The following ZNF365 variants were observed in gnomAD, a reference collection of about 807,000 sequenced individuals.
ZNF365 encodes zinc finger protein 365, also known as protein ZNF365.
In ZNF365, 22 loss-of-function variants were observed where a neutral mutation model predicts 35.0. The observed-to-expected ratio is 0.63, with a 90% CI of 0.45 to 0.90. ZNF365 has a LOEUF of 0.90. Among genes scored for constraint, ZNF365 ranks in the 40% least tolerant of loss-of-function variants. ZNF365 has a pLI of 0.00. For missense variants in ZNF365, 448 were observed against 500.3 expected (o/e 0.90, Z 1.00); for synonymous variants, 188 against 196.2 (o/e 0.96, Z 0.35).
At chr10:62,379,682 T>G (rs1032121449) in intron 2 of ZNF365, among the ~76,000 whole-genome samples, 1 of 152,168 alleles carries the variant, frequency 6.6e-6, no homozygotes, top group East Asian at 1.9e-4. Context: ...CAGAGGGAGC[T>G]GCCCACCTGT....
At chr10:62,440,924 T>C (rs1840489900) in intron 3 of ZNF365, among the ~76,000 whole-genome samples, 4 of 152,208 alleles carry the variant, frequency 2.6e-5, no homozygotes, top group Admixed American at 2.6e-4. Context: ...TAAAACCTAA[T>C]GTCTTTATGT....
chr10:62,396,570 C>T (rs1464300810), intron 3 of ZNF365, among the ~76,000 whole-genome samples: 1 of 152,150 alleles, frequency 6.6e-6, no homozygotes, highest in African/African-American at 2.4e-5. Flanking sequence ...TCATGCATTT[C>T]CCTCTTGGTA....
downstream of ZNF365, among the ~76,000 whole-genome samples, chr10:62,405,238 T>C (rs1839887924): frequency 6.6e-6 from 1 of 152,172 alleles, no homozygotes. Context: ...GACTTAGAGA[T>C]GGTGTGTGTC....
chr10:62,442,428 C>T (rs1290942410), intron 3 of ZNF365, among the ~76,000 whole-genome samples: 1 of 152,142 alleles, frequency 6.6e-6, no homozygotes, highest in Non-Finnish European at 1.5e-5. Context: ...CTTTAATTAA[C>T]TGTATGCAAA....
At chr10:62,453,158 A>G (rs969275345) in intron 3 of ZNF365, among the ~76,000 whole-genome samples, 17 of 152,254 alleles carry the variant, frequency 1.1e-4, no homozygotes, top group African/African-American at 4.1e-4. Flanking sequence ...TAAATTGATG[A>G]GGTACAAATT....
intron 3 of ZNF365, among the ~76,000 whole-genome samples, chr10:62,416,223 C>T (rs1487619679): frequency 6.6e-6 from 1 of 151,674 alleles, no homozygotes; most frequent in Non-Finnish European, 1.5e-5. Context: ...TAACTTCTAC[C>T]TGGTCAGATA....
intron 3 of ZNF365, among the ~76,000 whole-genome samples, chr10:62,457,463 G>T (rs1840779202): frequency 6.6e-6 from 1 of 152,206 alleles, no homozygotes; most frequent in African/African-American, 2.4e-5. Context: ...ATTCACATTT[G>T]CCAAAGCATG....
intron 4 of ZNF365, among the ~76,000 whole-genome samples, chr10:62,478,318 C>G (rs1385370503): frequency 6.6e-6 from 1 of 152,152 alleles, no homozygotes; most frequent in African/African-American, 2.4e-5. Context: ...TGAAATCCCC[C>G]TAGGAGGATA....
chr10:62,429,011 G>A (rs550453976), intron 3 of ZNF365, among the ~76,000 whole-genome samples: 8 of 152,260 alleles, frequency 5.3e-5, no homozygotes, highest in Admixed American at 2.0e-4. Flanking sequence ...GTAGGCACTC[G>A]CTAGCTGATG....
chr10:62,376,366 T>G lies in ZNF365; in HGVS notation c.173T>G (p.Leu58Arg). The G allele has an allele frequency of 6.2e-7, 1 of 1,614,156 alleles. No homozygotes were observed. The highest frequency in any genetic ancestry group is 1.1e-5 in the South Asian group (1 of 91,084). The change falls in exon 2 of 5, where the codon CTC becomes CGC. Residue 58 changes from leucine (L) to arginine (R), a missense_variant. By Grantham distance (102) the Leu-to-Arg change is moderately radical. Around this residue, in one of 3 missense-constraint regions of ZNF365, gnomAD observed 76 missense variants for 96.7 expected, o/e 0.79. Transcript: ENST00000395254. ...AGTCACAGCTACGAAGAAAGAACCC[T>G]CTTGACAAAATGCAGTCTCTTTCCA... ...EFSHSYEERTLLTKCSLFPSL... is the reference protein window; with the variant it reads ...EFSHSYEERTRLTKCSLFPSL...
At chr10:62,475,226 G>T (rs1049120918) in intron 4 of ZNF365, among the ~76,000 whole-genome samples, 1 of 152,166 alleles carries the variant, frequency 6.6e-6, no homozygotes, top group Non-Finnish European at 1.5e-5. Flanking sequence ...TGGGACTGGG[G>T]AACAGAAGCC....
intron 2 of ZNF365, among the ~76,000 whole-genome samples, chr10:62,385,180 C>G (rs1839506296): frequency 6.6e-6 from 1 of 152,194 alleles, no homozygotes; most frequent in South Asian, 2.1e-4. Context: ...TTTTTCCACC[C>G]TAGTTGATGT....
intron 4 of ZNF365, among the ~76,000 whole-genome samples, chr10:62,399,001 A>C (rs1195242677): frequency 6.6e-6 from 1 of 152,212 alleles, no homozygotes; most frequent in Admixed American, 6.5e-5. Context: ...CTATGATGGC[A>C]CTGGAGGAAT....
At chr10:62,410,075 C>T (rs939025051) in intron 3 of ZNF365, among the ~76,000 whole-genome samples, 6 of 152,152 alleles carry the variant, frequency 3.9e-5, no homozygotes, top group African/African-American at 1.4e-4. Flanking sequence ...ATTTTTTCAA[C>T]AGCACTGACT....
chr10:62,381,486 G>C (rs1425532687), intron 2 of ZNF365, among the ~76,000 whole-genome samples: 3 of 152,054 alleles, frequency 2.0e-5, no homozygotes, highest in Admixed American at 2.0e-4. Context: ...TCCTGAAAAT[G>C]TGATTTTTTT....
In ZNF365 at chr10:62,464,171, T is replaced by C. The variant is rs143110389; in HGVS notation, c.981+4374T>C. Among the ~76,000 whole-genome samples, 454 of 152,324 alleles carry C rather than the reference T, an allele frequency of 3.0e-3. 1 individual carries two copies. Among genetic ancestry groups the C allele is most frequent in the African/African-American group, 0.01 (435 of 41,572 alleles). On this transcript the variant is annotated intron_variant, in intron 4 of 4. Coordinates refer to the ZNF365 transcript ENST00000395255. ...TATAATGACTTTGGGACTCACCATA[T>C]TCTTTTCTGTGTCAAGTTCCTATGC...
Position 62,398,745 on chromosome 10 carries a change from A to G in ZNF365, c.930A>G (p.Thr310=), listed in dbSNP as rs760834661. 2 of 1,612,458 alleles carry G rather than the reference A, an allele frequency of 1.2e-6. No individual in the cohort carries two copies. The highest frequency in any genetic ancestry group is 8.5e-7 in the Non-Finnish European group (1 of 1,179,416). The change falls in exon 4 of 5, where the codon ACA becomes ACG. Residue 310 remains threonine (T), a synonymous_variant. Coordinates refer to ENST00000395254, the MANE Select transcript of ZNF365 (RefSeq NM_014951.3). ...FVRDLSGHVL[T]DISSNRKPKC... Reference sequence around the variant, plus strand: ...TCTTATTTGTTTTCCTTCAGCTTACAGACATCTCCTCAAATAGGAAGCCCA... The same window carrying G: ...TCTTATTTGTTTTCCTTCAGCTTACGGACATCTCCTCAAATAGGAAGCCCA...
chr10:62,428,578 C>A (rs1161012807), intron 3 of ZNF365, among the ~76,000 whole-genome samples: 1 of 152,216 alleles, frequency 6.6e-6, no homozygotes, highest in African/African-American at 2.4e-5. Flanking sequence ...AATTAAACCT[C>A]TTTTCTTTAA....
At chr10:62,467,102 A>G (rs1421302126) in intron 4 of ZNF365, among the ~76,000 whole-genome samples, 2 of 152,266 alleles carry the variant, frequency 1.3e-5, no homozygotes, top group Non-Finnish European at 2.9e-5. Flanking sequence ...TCAACCTGAA[A>G]AAAGGGCAGA....
Sources: gnomAD v4.1 joint callset for allele counts (sites outside exome capture counted in the v4.1 genomes callset) on GRCh38, gnomAD v4.1.1 for gene constraint, gnomAD v4.1.1 regional missense constraint, MANE v1.5 for transcripts, NCBI Gene and HGNC (gene_info 2026-07-23, HGNC 2026-07-21) for gene names.